STAG1: variants seen among roughly 807,000 people sequenced by gnomAD.
The protein encoded by STAG1 is cohesin subunit SA-1.
Under a neutral mutation model 170.9 loss-of-function variants are expected in STAG1, and 26 were observed. The observed-to-expected ratio is 0.15, with a 90% confidence interval of 0.11 to 0.21. The LOEUF is 0.21. Ranked by LOEUF, STAG1 falls within the 10% of genes least tolerant of loss-of-function variation. The pLI is 1.00. For missense variants in STAG1, 964 were observed against 1,509.5 expected (o/e 0.64, Z 5.99); for synonymous variants, 514 against 497.7 (o/e 1.03, Z -0.44).
intron 12 of STAG1, among the ~76,000 whole-genome samples, chr3:136,471,228 T>C (rs1211076926): frequency 6.6e-6 from 1 of 152,124 alleles, no homozygotes; most frequent in Non-Finnish European, 1.5e-5. Context: ...AGAATACTTC[T>C]CTTTAAAAAA....
intron 4 of STAG1, among the ~76,000 whole-genome samples, chr3:136,588,174 G>T (rs1576637435): frequency 6.6e-6 from 1 of 152,224 alleles, no homozygotes; most frequent in East Asian, 1.9e-4. Context: ...ACTGGGGAGG[G>T]TAATCAATCA....
chr3:136,532,871 C>T (rs1368349607), intron 6 of STAG1, among the ~76,000 whole-genome samples: 7 of 152,028 alleles, frequency 4.6e-5, no homozygotes, highest in African/African-American at 1.7e-4. Context: ...ACAAACATGC[C>T]CACTTTTACA....
At chr3:136,678,850 C>CA (rs559610524) in intron 1 of STAG1, among the ~76,000 whole-genome samples, 1,129 of 35,256 alleles carry the variant, frequency 0.032, 16 homozygotes, top group African/African-American at 0.066. Context: ...CCCATGCTCA[C>CA]AAAAAAAAAA....
intron 15 of STAG1, 131 bp from the exon 16 acceptor site, chr3:136,433,790 G>T: frequency 1.6e-6 from 1 of 638,548 alleles, no homozygotes; most frequent in East Asian, 3.1e-5. Flanking sequence ...GTTAAGCTCT[G>T]TACTTTGCTA....
intron 7 of STAG1, among the ~76,000 whole-genome samples, chr3:136,508,494 C>G (rs1933881244): frequency 6.6e-6 from 1 of 152,074 alleles, no homozygotes; most frequent in South Asian, 2.1e-4. Flanking sequence ...TCAAGACCAG[C>G]CTGGGTAACA....
intron 28 of STAG1, among the ~76,000 whole-genome samples, chr3:136,350,734 G>C (rs1936404320): frequency 6.6e-6 from 1 of 152,220 alleles, no homozygotes; most frequent in African/African-American, 2.4e-5. Flanking sequence ...TGCAGCTGGA[G>C]AGAGGAGTGA....
At chr3:136,628,304 G>A (rs943624166) in intron 2 of STAG1, among the ~76,000 whole-genome samples, 5 of 152,082 alleles carry the variant, frequency 3.3e-5, no homozygotes, top group Non-Finnish European at 7.4e-5. Context: ...AAATTACCCA[G>A]TTCCAGGTAG....
chr3:136,635,398 G>C (rs1940512167), intron 1 of STAG1, among the ~76,000 whole-genome samples: 1 of 152,040 alleles, frequency 6.6e-6, no homozygotes, highest in Admixed American at 6.6e-5. Context: ...CAAAGGAAAA[G>C]CACTTGACAA....
intron 7 of STAG1, among the ~76,000 whole-genome samples, chr3:136,511,582 T>C (rs1934067794): frequency 6.6e-6 from 1 of 152,048 alleles, no homozygotes; most frequent in African/African-American, 2.4e-5. Flanking sequence ...CACTTATAAG[T>C]GGGAGCTAAA....
chr3:136,544,527 T>C (rs776545584), intron 5 of STAG1, among the ~76,000 whole-genome samples: 6 of 151,840 alleles, frequency 4.0e-5, no homozygotes, highest in East Asian at 1.9e-4. Context: ...CTTTGGGAGG[T>C]TGAGGTGGGC....
chr3:136,566,867 T>G (rs1312569521), intron 5 of STAG1, among the ~76,000 whole-genome samples: 1 of 152,202 alleles, frequency 6.6e-6, no homozygotes, highest in Non-Finnish European at 1.5e-5. Context: ...TCTAGTTAAA[T>G]AAATTATTGT....
At chr3:136,626,939 A>C (rs1287793402) in intron 2 of STAG1, among the ~76,000 whole-genome samples, 2 of 152,234 alleles carry the variant, frequency 1.3e-5, no homozygotes, top group African/African-American at 4.8e-5. Context: ...CAATGCAAAT[A>C]CTATGTTTCG....
intron 27 of STAG1, among the ~76,000 whole-genome samples, 174 bp downstream of exon 27, chr3:136,358,974 G>A (rs965625637): frequency 6.6e-6 from 1 of 152,162 alleles, no homozygotes; most frequent in Non-Finnish European, 1.5e-5. Flanking sequence ...CAAATGGGTG[G>A]TTTAAGTTTT....
At chr3:136,437,610 G>A (rs2088496186) in intron 15 of STAG1, among the ~76,000 whole-genome samples, 1 of 152,266 alleles carries the variant, frequency 6.6e-6, no homozygotes, top group East Asian at 1.9e-4. Context: ...TGGTATCATT[G>A]AATCATGCTT....
chr3:136,357,184 G>C (rs1394994038), intron 28 of STAG1, among the ~76,000 whole-genome samples: 1 of 152,068 alleles, frequency 6.6e-6, no homozygotes, highest in African/African-American at 2.4e-5. Flanking sequence ...TTCTGACCTT[G>C]TGATCCGCCC....
At chr3:136,708,883 C>A (rs184084080) in intron 1 of STAG1, among the ~76,000 whole-genome samples, 2 of 151,192 alleles carry the variant, frequency 1.3e-5, no homozygotes, top group East Asian at 3.9e-4. Context: ...CAGCTCACTG[C>A]AGCCTCAACC....
Position 136,693,000 on chromosome 3 carries a change from G to A in STAG1, c.-84+59195C>T, listed in dbSNP as rs199573812. Among the ~76,000 whole-genome samples, 61 of 152,304 alleles carry A rather than the reference G, an allele frequency of 4.0e-4. No homozygotes were observed. In the East Asian group the frequency reaches 8.5e-3, roughly 21 times the overall value. Reference sequence around the variant, plus strand: ...AGATGTCTTCGGTGTGTGGGACACCGTAATAGAAAAGCAGGGCATGACTGG... The same window carrying A: ...AGATGTCTTCGGTGTGTGGGACACCATAATAGAAAAGCAGGGCATGACTGG... On this transcript the variant is annotated intron_variant, in intron 1 of 33. Coordinates refer to ENST00000383202, the MANE Select transcript of STAG1 (RefSeq NM_005862.3).
intron 1 of STAG1, among the ~76,000 whole-genome samples, chr3:136,684,995 A>G (rs1451216670): frequency 6.6e-6 from 1 of 152,002 alleles, no homozygotes; most frequent in Non-Finnish European, 1.5e-5. Context: ...TGAAAGAAAT[A>G]ATCAAAAAGT....
At chr3:136,513,429 C>T (rs1363188873) in intron 7 of STAG1, among the ~76,000 whole-genome samples, 1 of 151,484 alleles carries the variant, frequency 6.6e-6, no homozygotes, top group African/African-American at 2.4e-5. Flanking sequence ...AATTAATAAA[C>T]ATGAGGTAAC....
Sources: allele counts gnomAD v4.1 joint callset (sites outside exome capture counted in the v4.1 genomes callset), GRCh38; gene constraint gnomAD v4.1.1; transcripts MANE v1.5; gene names NCBI Gene and HGNC (gene_info 2026-07-23, HGNC 2026-07-21).